RUFY3: variants seen among roughly 807,000 people sequenced by gnomAD.
RUFY3 encodes the protein protein RUFY3.
Under a neutral mutation model 84.0 loss-of-function variants are expected in RUFY3, and 34 were observed. The ratio of observed to expected loss-of-function variants is 0.40; its 90% CI spans 0.31 to 0.54. RUFY3 has a LOEUF of 0.54. Among genes scored for constraint, RUFY3 ranks in the 20% least tolerant of loss-of-function variants. The pLI is 0.39. For missense variants in RUFY3, 507 were observed against 736.8 expected, an observed-to-expected ratio of 0.69 and a Z score of 3.61; for synonymous variants, 242 against 252.9, an observed-to-expected ratio of 0.96 and a Z score of 0.41.
intron 15 of RUFY3, among the ~76,000 whole-genome samples, chr4:70,801,923 G>C (rs1040249370): frequency 7.2e-5 from 11 of 152,236 alleles, no homozygotes; most frequent in Non-Finnish European, 1.3e-4. Context: ...GCAACCAGGA[G>C]TGTCTTAAAT....
rs116100641 is a variant in RUFY3 at position 70,708,139 on chromosome 4, A to G, written c.358+2845A>G. 6.0e-3 allele frequency among the ~76,000 whole-genome samples: 914 copies of G among 152,308 alleles called. 7 individuals carry two copies. The highest frequency in any genetic ancestry group is 0.021 in the African/African-American group (873 of 41,570). On this transcript the variant is annotated intron_variant, in intron 1 of 11. Coordinates refer to the RUFY3 transcript ENST00000417478. The stretch of plus-strand genomic sequence containing the variant: ...CCCTGTTTTTAAAAAAATAAAAATA[A>G]AATACATGAACACTTGAGACCAAAC...
intron 5 of RUFY3, among the ~76,000 whole-genome samples, chr4:70,769,176 G>A (rs199852202): frequency 5.9e-5 from 9 of 152,100 alleles, no homozygotes; most frequent in East Asian, 3.9e-4. Context: ...GTGAGACCCC[G>A]TCTCTACAAA....
At chr4:70,729,257 GT>G (rs1718805945) in intron 1 of RUFY3, among the ~76,000 whole-genome samples, 1 of 151,886 alleles carries the variant, frequency 6.6e-6, no homozygotes, top group Non-Finnish European at 1.5e-5. Context: ...TCATGCTTGA[GT>G]TTTTTTGTTT....
Position 70,733,102 on chromosome 4 carries a change from GA to G in RUFY3, c.178+10352del, listed in dbSNP as rs1344796114. 1.8e-3 allele frequency among the ~76,000 whole-genome samples: 150 copies of G among 82,266 alleles called. 1 individual carries two copies. The highest frequency in any genetic ancestry group is 6.4e-3 in the African/African-American group (129 of 20,006). 54.0% of individuals were successfully genotyped at this position (82,266 alleles called of 152,430 possible). A position where few individuals can be genotyped will look rare whatever the true frequency, so the allele number is the denominator to read the frequency against. On this transcript the variant is annotated intron_variant, in intron 1 of 17. Coordinates refer to ENST00000381006, the MANE Select transcript of RUFY3 (RefSeq NM_001037442.4). ...GAGAGAGAGAGAGAGAGAGGAGAGA[GA>G]GAGAGAGAGAGAGAGAGGGAGGGAG...
At chr4:70,717,945 C>T (rs1741811052), upstream of RUFY3, among the ~76,000 whole-genome samples, 1 of 138,956 alleles carries the variant, frequency 7.2e-6, no homozygotes, top group East Asian at 2.1e-4. Context: ...TGCAGTGGCG[C>T]GATCTTGGCT....
At chr4:70,798,844 G>A (rs1364521344) in intron 14 of RUFY3, among the ~76,000 whole-genome samples, 2 of 152,020 alleles carry the variant, frequency 1.3e-5, no homozygotes, top group East Asian at 3.9e-4. Context: ...CAGGGCTTAA[G>A]AGTATTGGTA....
chr4:70,801,284 A>G (rs918918312), intron 15 of RUFY3, among the ~76,000 whole-genome samples: 22 of 151,694 alleles, frequency 1.5e-4, no homozygotes, highest in Admixed American at 1.3e-3. Context: ...TGGTGGATAC[A>G]TGTCATTATA....
chr4:70,787,187 A>AAAATATATAT (rs1553920475), intron 10 of RUFY3, among the ~76,000 whole-genome samples: 1 of 81,476 alleles, frequency 1.2e-5, no homozygotes, highest in African/African-American at 5.2e-5. Flanking sequence ...AAAAAAAAAA[A>AAAATATATAT]ATATATATAT....
intron 14 of RUFY3, among the ~76,000 whole-genome samples, chr4:70,797,091 C>G (rs1731616448): frequency 6.6e-6 from 1 of 151,944 alleles, no homozygotes; most frequent in Non-Finnish European, 1.5e-5. Context: ...TAGGCACACA[C>G]CACAAAACTC....
chr4:70,793,429 T>G, intron 12 of RUFY3: 1 of 1,047,352 alleles, frequency 9.5e-7, no homozygotes, highest in Non-Finnish European at 1.2e-6. Context: ...TTTTAAAAAG[T>G]GGATTTAACT....
chr4:70,717,903 G>A (rs989954204), upstream of RUFY3, among the ~76,000 whole-genome samples: 3 of 97,480 alleles, frequency 3.1e-5, no homozygotes, highest in African/African-American at 1.4e-4. Flanking sequence ...TTTTTTTTGA[G>A]ACAGAGTCTT....
rs985505430 is a variant in RUFY3 at position 70,746,269 on chromosome 4, G to A, written c.179-16250G>A. On this transcript the variant is annotated intron_variant, in intron 1 of 17. Coordinates refer to ENST00000381006, the MANE Select transcript of RUFY3 (RefSeq NM_001037442.4). ...TGAGGCACGAGAATCGCTTGAGCCC[G>A]GGAGGCGGAGGTTGCAGTGAGTCAA... Among the ~76,000 whole-genome samples, 13 of 151,998 alleles carry A rather than the reference G, an allele frequency of 8.6e-5. No homozygotes were observed. The East Asian group carries it at 9.6e-4, about 11-fold the overall frequency.
intron 14 of RUFY3, among the ~76,000 whole-genome samples, chr4:70,797,307 T>C (rs551120784): frequency 3.5e-4 from 54 of 152,294 alleles, no homozygotes; most frequent in African/African-American, 1.2e-3. Flanking sequence ...TGATTAGATA[T>C]ATTAAAATAA....
intron 1 of RUFY3, chr4:70,741,756 C>A: frequency 9.0e-7 from 1 of 1,114,108 alleles, no homozygotes; most frequent in South Asian, 1.8e-5. Context: ...TAATTGTTTT[C>A]CGTAAGAGGA....
intron 1 of RUFY3, among the ~76,000 whole-genome samples, chr4:70,715,557 A>G (rs1187386388): frequency 7.5e-6 from 1 of 133,902 alleles, no homozygotes; most frequent in African/African-American, 2.9e-5. Flanking sequence ...GTGCCACTGC[A>G]CCCTAACCCG....
chr4:70,722,784 C>T (rs1717577253), intron 1 of RUFY3, 33 bp downstream of exon 1: 1 of 1,592,542 alleles, frequency 6.3e-7, no homozygotes, highest in Non-Finnish European at 8.6e-7. Flanking sequence ...AGTATTTCAC[C>T]AGCATCCTCA....
At chr4:70,786,942 G>C (rs1335711331) in intron 10 of RUFY3, among the ~76,000 whole-genome samples, 2 of 151,746 alleles carry the variant, frequency 1.3e-5, no homozygotes, top group Non-Finnish European at 2.9e-5. Context: ...CCAGCACTTT[G>C]GGAGGATCGC....
At chr4:70,720,802 T>G (rs1001816476), upstream of RUFY3, among the ~76,000 whole-genome samples, 13 of 152,242 alleles carry the variant, frequency 8.5e-5, no homozygotes, top group African/African-American at 2.9e-4. Context: ...ATTCTTATTC[T>G]TCTCTTTGTA....
intron 15 of RUFY3, among the ~76,000 whole-genome samples, 166 bp downstream of exon 15, chr4:70,800,371 T>G (rs776918352): frequency 1.3e-4 from 20 of 152,118 alleles, no homozygotes; most frequent in Non-Finnish European, 2.6e-4. Flanking sequence ...ACGTATAACA[T>G]GTATTAAACC....
Sources: gnomAD v4.1 joint callset for allele counts (sites outside exome capture counted in the v4.1 genomes callset) on GRCh38, gnomAD v4.1.1 for gene constraint, MANE v1.5 for transcripts, NCBI Gene and HGNC (gene_info 2026-07-23, HGNC 2026-07-21) for gene names.